Variants in SHROOM3 observed in about 807,000 individuals in gnomAD.
SHROOM3 encodes shroom family member 3.
Under a neutral mutation model 138.6 loss-of-function variants are expected in SHROOM3, and 47 were observed. That is an observed-to-expected ratio of 0.34 (90% CI 0.27 to 0.43). The LOEUF is 0.43. Ranked by LOEUF, SHROOM3 falls within the 20% of genes least tolerant of loss-of-function variation. SHROOM3 has a pLI of 1.00. For missense variants in SHROOM3, 2,491 were observed against 2,596.5 expected, an observed-to-expected ratio of 0.96 and a Z score of 0.88; for synonymous variants, 1,062 against 1,063.3, an observed-to-expected ratio of 1.00 and a Z score of 0.02.
chr4:76,526,925 G>A, intron 1 of SHROOM3, among the ~76,000 whole-genome samples: 1 of 152,220 alleles, frequency 6.6e-6, no homozygotes, highest in East Asian at 1.9e-4. Flanking sequence ...GGAATGGATT[G>A]TTCTCACGGA....
chr4:76,512,662 G>A (rs558869785), intron 1 of SHROOM3, among the ~76,000 whole-genome samples: 6 of 152,216 alleles, frequency 3.9e-5, no homozygotes, highest in African/African-American at 1.4e-4. Context: ...GGTGGGAAGG[G>A]GAAAGAAAAC....
intron 1 of SHROOM3, among the ~76,000 whole-genome samples, chr4:76,523,969 A>T (rs755703645): frequency 2.6e-5 from 4 of 152,176 alleles, no homozygotes; most frequent in Non-Finnish European, 5.9e-5. Context: ...ACTTTAAGCA[A>T]GGTGTAACCT....
chr4:76,466,374 A>G (rs1731249569), intron 1 of SHROOM3, among the ~76,000 whole-genome samples: 1 of 152,098 alleles, frequency 6.6e-6, no homozygotes, highest in Non-Finnish European at 1.5e-5. Flanking sequence ...TTCCTCTTTT[A>G]TATTCTTTTC....
intron 2 of SHROOM3, among the ~76,000 whole-genome samples, chr4:76,680,201 C>T (rs1212570151): frequency 1.3e-5 from 2 of 148,188 alleles, no homozygotes; most frequent in African/African-American, 2.5e-5. Context: ...AGTACAGTGG[C>T]GCAATCTCTT....
intron 2 of SHROOM3, among the ~76,000 whole-genome samples, chr4:76,675,081 G>A (rs984563435): frequency 3.9e-5 from 6 of 152,190 alleles, no homozygotes; most frequent in Non-Finnish European, 5.9e-5. Context: ...TATGCTTTTA[G>A]GTTCTGTCAG....
intron 2 of SHROOM3, among the ~76,000 whole-genome samples, chr4:76,691,939 G>A (rs1449578917): frequency 2.0e-5 from 3 of 152,290 alleles, no homozygotes; most frequent in Middle Eastern, 3.4e-3. Context: ...ACTTCCAGAA[G>A]GTCAGGATTT....
intron 2 of SHROOM3, among the ~76,000 whole-genome samples, chr4:76,629,197 A>G (rs1735239037): frequency 6.6e-6 from 1 of 152,190 alleles, no homozygotes; most frequent in East Asian, 1.9e-4. Context: ...CCAAAGCAAC[A>G]TTTGAAGGAG....
chr4:76,615,815 C>T (rs1734862860), intron 2 of SHROOM3, among the ~76,000 whole-genome samples: 1 of 152,162 alleles, frequency 6.6e-6, no homozygotes, highest in Non-Finnish European at 1.5e-5. Flanking sequence ...ATCAAAGAAT[C>T]CTCAGTTTCA....
intron 2 of SHROOM3, among the ~76,000 whole-genome samples, chr4:76,651,455 G>T (rs894272051): frequency 3.1e-4 from 31 of 99,624 alleles, no homozygotes; most frequent in African/African-American, 1.1e-3. Flanking sequence ...TACCTACTAT[G>T]TACCCACAAA....
At chr4:76,765,163 A>G (rs1239291852) in intron 9 of SHROOM3, among the ~76,000 whole-genome samples, 1 of 150,622 alleles carries the variant, frequency 6.6e-6, no homozygotes, top group Non-Finnish European at 1.5e-5. Flanking sequence ...TAAAATTTAC[A>G]TTTAAAAAAT....
intron 2 of SHROOM3, among the ~76,000 whole-genome samples, chr4:76,581,246 A>G (rs1464578437): frequency 6.6e-6 from 1 of 152,204 alleles, no homozygotes; most frequent in Non-Finnish European, 1.5e-5. Context: ...GGCCAGTAAC[A>G]TTCTTGTGAA....
intron 2 of SHROOM3, among the ~76,000 whole-genome samples, chr4:76,658,443 G>A (rs954822819): frequency 3.3e-5 from 5 of 152,102 alleles, no homozygotes; most frequent in Non-Finnish European, 5.9e-5. Flanking sequence ...AACATAACAG[G>A]AAATAGCAAG....
At chr4:76,772,437 G>T (rs757713576) in intron 10 of SHROOM3, among the ~76,000 whole-genome samples, 1 of 152,004 alleles carries the variant, frequency 6.6e-6, no homozygotes, top group Non-Finnish European at 1.5e-5. Context: ...TTGCTCTCAT[G>T]AATTCTCCAA....
chr4:76,700,368 G>A (rs1037601383), intron 2 of SHROOM3, among the ~76,000 whole-genome samples: 1 of 152,198 alleles, frequency 6.6e-6, no homozygotes, highest in African/African-American at 2.4e-5. Flanking sequence ...CTGGCTCAGA[G>A]CACTCCATAA....
At chr4:76,751,052 G>C (rs1386668780) in intron 6 of SHROOM3, among the ~76,000 whole-genome samples, 1 of 152,158 alleles carries the variant, frequency 6.6e-6, no homozygotes, top group African/African-American at 2.4e-5. Context: ...AAACATGGGA[G>C]GGACTTGATC....
chr4:76,545,222 T>C (rs1004592768), intron 1 of SHROOM3, among the ~76,000 whole-genome samples: 5 of 152,222 alleles, frequency 3.3e-5, no homozygotes, highest in African/African-American at 1.2e-4. Flanking sequence ...AACTTGTTTT[T>C]TCAGAATCGG....
rs1721054636 is a variant in SHROOM3, at chr4:76,735,871, ATATATATATATATATATAT to A, written c.588-2889_588-2871del. Reference sequence around the variant, plus strand: ...AAAAAAAAAAAAAAAAAAAAAAAATATATATATATATATATATATATATATATATATATTTTAGTGATGG... The same window carrying A: ...AAAAAAAAAAAAAAAAAAAAAAAATAATATATATATATATTTTAGTGATGG... On this transcript the variant is annotated intron_variant, in intron 4 of 10. Coordinates refer to ENST00000296043, the MANE Select transcript of SHROOM3 (RefSeq NM_020859.4). 2.7e-4 allele frequency among the ~76,000 whole-genome samples: 5 copies of A among 18,854 alleles called. No homozygotes were observed. In the East Asian group the frequency reaches 4.2e-3, roughly 16 times the overall value. 12.4% of individuals were successfully genotyped at this position (18,854 alleles called of 152,430 possible).
At chr4:76,562,319 G>T (rs72659793) in intron 2 of SHROOM3, among the ~76,000 whole-genome samples, 1 of 152,034 alleles carries the variant, frequency 6.6e-6, no homozygotes, top group African/African-American at 2.4e-5. Flanking sequence ...TGTTTCTGAG[G>T]GTTAACAGAA....
At chr4:76,731,696 G>T (rs112816706) in intron 4 of SHROOM3, among the ~76,000 whole-genome samples, 1 of 151,736 alleles carries the variant, frequency 6.6e-6, no homozygotes, top group Non-Finnish European at 1.5e-5. Context: ...CAGAAGAATC[G>T]CTTGAACCCG....
Sources: gnomAD v4.1 joint callset for allele counts (sites outside exome capture counted in the v4.1 genomes callset) on GRCh38, gnomAD v4.1.1 for gene constraint, MANE v1.5 for transcripts, NCBI Gene and HGNC (gene_info 2026-07-23, HGNC 2026-07-21) for gene names.